The following PRKD1 variants were observed in gnomAD, a reference collection of about 807,000 sequenced individuals.
PRKD1 encodes the protein serine/threonine-protein kinase D1.
Under a neutral mutation model 95.9 loss-of-function variants are expected in PRKD1, and 63 were observed. The observed-to-expected ratio is 0.66, with a 90% confidence interval of 0.54 to 0.81. The LOEUF (loss-of-function observed/expected upper bound fraction) is 0.81, where lower values mean the gene tolerates loss of function less well. Ranked by LOEUF, PRKD1 falls within the 30% of genes least tolerant of loss-of-function variation. The pLI, the probability that PRKD1 is intolerant of heterozygous loss-of-function variation, is 0.00. For synonymous variants in PRKD1, 425 were observed against 423.1 expected (o/e 1.00, Z -0.05); for missense variants, 1,048 against 1,165.3 (o/e 0.90, Z 1.47).
At chr14:29,699,337 C>A (rs1022428281) in intron 2 of PRKD1, among the ~76,000 whole-genome samples, 8 of 152,122 alleles carry the variant, frequency 5.3e-5, no homozygotes, top group Admixed American at 5.2e-4. Flanking sequence ...CAATACTGGG[C>A]TTTTAATTTT....
intron 1 of PRKD1, among the ~76,000 whole-genome samples, chr14:29,785,732 T>A (rs1043700320): frequency 1.3e-5 from 2 of 151,768 alleles, no homozygotes; most frequent in African/African-American, 4.8e-5. Context: ...AAATGATGAG[T>A]TAATGGGTGC....
chr14:29,894,301 G>A (rs1314371060), intron 1 of PRKD1, among the ~76,000 whole-genome samples: 2 of 152,204 alleles, frequency 1.3e-5, no homozygotes, highest in Non-Finnish European at 2.9e-5. Flanking sequence ...GGGTAGATCA[G>A]CAAAATCACG....
At chr14:29,664,924 GTGTATTCAA>G (rs1293530940) in intron 3 of PRKD1, among the ~76,000 whole-genome samples, 1 of 152,202 alleles carries the variant, frequency 6.6e-6, no homozygotes, top group Non-Finnish European at 1.5e-5. Context: ...TTCAACAAAT[GTGTATTCAA>G]TGTCTACTAT....
intron 7 of PRKD1, among the ~76,000 whole-genome samples, chr14:29,634,895 C>T (rs1406068187): frequency 1.3e-5 from 2 of 151,986 alleles, no homozygotes; most frequent in Non-Finnish European, 2.9e-5. Context: ...ATCAGCTGGG[C>T]ATGTTGGCGG....
At position 29,857,768 on chromosome 14, in the gene PRKD1, GA is replaced by G. The variant is rs1343008956; in HGVS notation, c.264+69480del. Among the ~76,000 whole-genome samples the G allele has an allele frequency of 3.9e-5, 6 of 152,278 alleles. No homozygotes were observed. The East Asian group carries it at 1.2e-3, about 29-fold the overall frequency. Reference sequence around the variant, plus strand: ...GGAGGACTGAAAAAGGCAGCGAGGGGAAACAGGGGAAGTCTAAGGTGGTGAA... The same window carrying G: ...GGAGGACTGAAAAAGGCAGCGAGGGGAACAGGGGAAGTCTAAGGTGGTGAA... On this transcript the variant is annotated intron_variant, in intron 1 of 17. Coordinates refer to ENST00000331968, the MANE Select transcript of PRKD1 (RefSeq NM_002742.3).
chr14:29,859,599 C>T (rs1411668471), intron 1 of PRKD1, among the ~76,000 whole-genome samples: 2 of 137,428 alleles, frequency 1.5e-5, no homozygotes, highest in Non-Finnish European at 3.0e-5. Flanking sequence ...CAGAGCAAGA[C>T]TCTGTCTCAA....
At chr14:29,763,652 C>T (rs761441784) in intron 1 of PRKD1, among the ~76,000 whole-genome samples, 10 of 152,076 alleles carry the variant, frequency 6.6e-5, no homozygotes, top group Non-Finnish European at 1.3e-4. Flanking sequence ...TTGGGTGTTG[C>T]CCCAGGGTCT....
rs780895625 is a variant in PRKD1, at chr14:29,632,904, G to A, written c.1357C>T (p.Leu453Phe). Residue 453 changes from leucine to phenylalanine, a missense_variant, in exon 9 of 18, where the codon CTC (leucine) becomes TTC (phenylalanine). This residue lies in a region of PRKD1 where 739 missense variants were observed against 861.9 expected (regional missense o/e 0.86). Coordinates refer to ENST00000331968, the MANE Select transcript of PRKD1 (RefSeq NM_002742.3). ...YWRLDSKCIT[L>F]FQNDTGSRYY... ...CTGCTTCCTGTGTCATTCTGAAAGA[G>A]GGTAATACATTTGCTATCCAATCTC... The A allele has an allele frequency of 3.7e-6, 6 of 1,613,736 alleles. No homozygotes were observed. The Admixed American group carries it at 1.0e-4, about 27-fold the overall frequency.
chr14:29,688,907 C>A (rs1884044054), intron 2 of PRKD1, among the ~76,000 whole-genome samples: 1 of 142,068 alleles, frequency 7.0e-6, no homozygotes, highest in Non-Finnish European at 1.5e-5. Context: ...AGAGACCACG[C>A]CACTGCACTC....
intron 4 of PRKD1, among the ~76,000 whole-genome samples, chr14:29,651,767 G>A (rs916614534): frequency 2.6e-5 from 4 of 151,232 alleles, no homozygotes; most frequent in East Asian, 3.9e-4. Flanking sequence ...TTTTGAGACC[G>A]AGTTTTGTTC....
intron 1 of PRKD1, among the ~76,000 whole-genome samples, chr14:29,799,626 G>A (rs1261243968): frequency 1.3e-5 from 2 of 152,210 alleles, no homozygotes; most frequent in Admixed American, 1.3e-4. Flanking sequence ...GTCTTTGGGG[G>A]AGCTATTTAA....
intron 1 of PRKD1, among the ~76,000 whole-genome samples, chr14:29,877,068 C>T (rs934464386): frequency 1.3e-5 from 2 of 152,164 alleles, no homozygotes; most frequent in Non-Finnish European, 2.9e-5. Flanking sequence ...AGGAGAATTG[C>T]TTGAGCCCAG....
intron 1 of PRKD1, among the ~76,000 whole-genome samples, chr14:29,734,027 C>G (rs1213178916): frequency 1.8e-5 from 2 of 112,974 alleles, no homozygotes; most frequent in African/African-American, 4.2e-5. Context: ...TACTTTCCTG[C>G]CTTTTTTTTT....
intron 2 of PRKD1, among the ~76,000 whole-genome samples, chr14:29,697,567 C>T (rs1019569563): frequency 3.3e-5 from 5 of 152,106 alleles, no homozygotes; most frequent in African/African-American, 1.2e-4. Flanking sequence ...GTATGTTAAC[C>T]CATTGCAAAC....
At chr14:29,627,020 A>T (rs1416039213) in intron 11 of PRKD1, among the ~76,000 whole-genome samples, 1 of 152,184 alleles carries the variant, frequency 6.6e-6, no homozygotes, top group Non-Finnish European at 1.5e-5. Context: ...GCCTCAAAGC[A>T]CACTCTTTAA....
intron 1 of PRKD1, among the ~76,000 whole-genome samples, chr14:29,892,659 A>G (rs1893980241): frequency 6.6e-6 from 1 of 152,224 alleles, no homozygotes. Flanking sequence ...CACTGGCTTC[A>G]GTGTGCCAAA....
intron 1 of PRKD1, 111 bp from the exon 2 acceptor site, chr14:29,725,785 G>T: frequency 9.7e-7 from 1 of 1,033,606 alleles, no homozygotes; most frequent in Non-Finnish European, 1.3e-6. Flanking sequence ...AAAGTATCTA[G>T]ATCATTAAAA....
At chr14:29,629,598 A>G (rs1879850745) in intron 10 of PRKD1, among the ~76,000 whole-genome samples, 1 of 152,226 alleles carries the variant, frequency 6.6e-6, no homozygotes, top group Non-Finnish European at 1.5e-5. Flanking sequence ...ATAATGTAAA[A>G]AAACCAGAGG....
intron 1 of PRKD1, among the ~76,000 whole-genome samples, chr14:29,808,203 C>T (rs1890320165): frequency 6.6e-6 from 1 of 151,808 alleles, no homozygotes; most frequent in Non-Finnish European, 1.5e-5. Context: ...TATGTAAAAC[C>T]CTAAATCCTT....
Sources: allele counts gnomAD v4.1 joint callset (sites outside exome capture counted in the v4.1 genomes callset), GRCh38; gene constraint gnomAD v4.1.1; regional missense constraint gnomAD v4.1.1; transcripts MANE v1.5; gene names NCBI Gene and HGNC (gene_info 2026-07-23, HGNC 2026-07-21).